Variants in CDK13 observed in about 807,000 individuals in gnomAD.
The protein encoded by CDK13 is cyclin-dependent kinase 13.
CDK13 carries 40 observed loss-of-function variants against 137.6 expected under a neutral mutation model. The ratio of observed to expected loss-of-function variants is 0.29; its 90% CI spans 0.23 to 0.38. CDK13 has a LOEUF of 0.38. CDK13 is among the 10% of genes least tolerant of loss of function. The pLI is 1.00. For missense variants in CDK13, 1,704 were observed against 1,951.8 expected, an observed-to-expected ratio of 0.87 and a Z score of 2.39; for synonymous variants, 869 against 760.1, an observed-to-expected ratio of 1.14 and a Z score of -2.36.
chr7:40,041,025 G>A (rs1358984553), intron 5 of CDK13, among the ~76,000 whole-genome samples: 1 of 152,108 alleles, frequency 6.6e-6, no homozygotes, highest in Non-Finnish European at 1.5e-5. Context: ...AAGAAAGGTT[G>A]AAATTAATAA....
intron 5 of CDK13, among the ~76,000 whole-genome samples, chr7:40,037,293 TG>T (rs1785505478): frequency 6.6e-6 from 1 of 152,142 alleles, no homozygotes. Flanking sequence ...CTCATAAGAT[TG>T]CAGTGAGATG....
chr7:40,068,048 T>C (rs2150529824), intron 9 of CDK13: 1 of 151,350 alleles, frequency 6.6e-6, no homozygotes, highest in Non-Finnish European at 1.5e-5. Flanking sequence ...TGAGCCGAGA[T>C]TGCTCTGCCG....
chr7:39,953,254 C>T (rs1359620792), intron 1 of CDK13, among the ~76,000 whole-genome samples: 2 of 152,154 alleles, frequency 1.3e-5, no homozygotes, highest in African/African-American at 4.8e-5. Context: ...TAGTTGATAC[C>T]TTAGCGAAGA....
chr7:40,032,293 A>T (rs185977463), intron 5 of CDK13, among the ~76,000 whole-genome samples: 1 of 151,664 alleles, frequency 6.6e-6, no homozygotes, highest in Non-Finnish European at 1.5e-5. Flanking sequence ...CTGGTTTCGA[A>T]CTCCTGGGTT....
At chr7:40,048,078 GATC>G in intron 7 of CDK13, 1 of 387,878 alleles carries the variant, frequency 2.6e-6, no homozygotes, top group Non-Finnish European at 4.6e-6. Context: ...TTTAAAAATT[GATC>G]TTCAACAGGT....
chr7:40,003,443 G>A (rs918718605), intron 5 of CDK13, among the ~76,000 whole-genome samples: 1 of 151,990 alleles, frequency 6.6e-6, no homozygotes, highest in Non-Finnish European at 1.5e-5. Context: ...TACTTATTGT[G>A]TGGTTGATGG....
intron 1 of CDK13, among the ~76,000 whole-genome samples, chr7:39,977,774 G>A (rs773422): frequency 0.99 from 151,093 of 152,194 alleles, 75,008 homozygotes; most frequent in East Asian, 1. Flanking sequence ...GAACCTGGTA[G>A]GGAGACTTGC....
At chr7:40,005,827 T>C (rs1784787087) in intron 5 of CDK13, among the ~76,000 whole-genome samples, 2 of 152,186 alleles carry the variant, frequency 1.3e-5, no homozygotes, top group South Asian at 4.1e-4. Context: ...CCTCAGGCAG[T>C]CCTCCTGCCT....
chr7:39,981,327 C>A (rs900228116), intron 1 of CDK13, among the ~76,000 whole-genome samples: 2 of 151,804 alleles, frequency 1.3e-5, no homozygotes, highest in African/African-American at 4.8e-5. Context: ...CTTGTTTGCG[C>A]CACTGCACTC....
chr7:40,001,959 C>A lies in CDK13; in HGVS notation c.2281C>A (p.His761Asn), dbSNP rs777432797. The change falls in exon 5 of 14, where the codon CAT (histidine) becomes AAT (asparagine). Residue 761 changes from histidine to asparagine, a missense_variant. This residue lies in a region of CDK13 where 130 missense variants were observed against 362.4 expected (regional missense o/e 0.36). Transcript: ENST00000181839. ...AATTAAAATTCTCCGGCAGCTTACC[C>A]ATCAGAGTATTATCAATATGAAGGA... ...REIKILRQLTHQSIINMKEIV... is the reference protein window; with the variant it reads ...REIKILRQLTNQSIINMKEIV... 3 of 1,609,926 alleles carry A rather than the reference C, an allele frequency of 1.9e-6. No individual in the cohort carries two copies. The Admixed American group carries it at 5.0e-5, about 27-fold the overall frequency.
chr7:39,971,858 G>C (rs929627326), intron 1 of CDK13, among the ~76,000 whole-genome samples: 18 of 152,112 alleles, frequency 1.2e-4, no homozygotes, highest in African/African-American at 4.1e-4. Context: ...CTGGGCAACA[G>C]AGCAAGACTC....
intron 7 of CDK13, 72 bp from the exon 8 acceptor site, chr7:40,062,751 AAAT>A (rs1243064185): frequency 9.2e-7 from 1 of 1,087,784 alleles, no homozygotes; most frequent in Non-Finnish European, 1.4e-6. Context: ...TGCTTTAGTA[AAAT>A]AATATTTCCT....
chr7:39,976,323 T>TCTCTCACACACACACACACACACACA, intron 1 of CDK13, among the ~76,000 whole-genome samples: 24 of 39,576 alleles, frequency 6.1e-4, no homozygotes, highest in Admixed American at 1.3e-3. Flanking sequence ...TCTCTCTCTC[T>TCTCTCACACACACACACACACACACA]CACACACACA....
intron 1 of CDK13, among the ~76,000 whole-genome samples, chr7:39,959,103 G>A (rs1224274243): frequency 6.6e-6 from 1 of 150,566 alleles, no homozygotes; most frequent in Non-Finnish European, 1.5e-5. Flanking sequence ...CACCATTATC[G>A]TTTCATTCAT....
chr7:40,058,713 T>G (rs1413664499), intron 7 of CDK13, among the ~76,000 whole-genome samples: 1 of 152,078 alleles, frequency 6.6e-6, no homozygotes, highest in Non-Finnish European at 1.5e-5. Flanking sequence ...TGGCAGAAGT[T>G]GTTTGGAAAT....
At chr7:40,080,233 C>G (rs996263794) in intron 11 of CDK13, among the ~76,000 whole-genome samples, 16 of 152,104 alleles carry the variant, frequency 1.1e-4, no homozygotes, top group African/African-American at 3.9e-4. Flanking sequence ...GGTGATCCAC[C>G]CACCTTGGCC....
chr7:40,094,491 T>C lies in CDK13; in HGVS notation c.4050T>C (p.Val1350=). The C allele has an allele frequency of 6.2e-7, 1 of 1,613,628 alleles. No homozygotes were observed. The highest frequency in any genetic ancestry group is 2.2e-5 in the East Asian group (1 of 44,872). The change falls in exon 14 of 14, where the codon GTT becomes GTC. Residue 1350 remains valine (V), a synonymous_variant. Transcript: ENST00000181839. ...CTTCTTTCTCTTCTGCTCCTTATGTTAGCAATGATGGTCTAGGAAGCAGTT... is the reference window on the plus strand; with the variant it reads ...CTTCTTTCTCTTCTGCTCCTTATGTCAGCAATGATGGTCTAGGAAGCAGTT... ...GSSSFSSAPY[V]SNDGLGSSSA...
chr7:40,058,670 A>T (rs1024648764), intron 7 of CDK13, among the ~76,000 whole-genome samples: 1 of 152,118 alleles, frequency 6.6e-6, no homozygotes, highest in Admixed American at 6.5e-5. Context: ...TGGACTAGGT[A>T]TTTGGATTGG....
At chr7:39,960,394 T>A (rs918579743) in intron 1 of CDK13, among the ~76,000 whole-genome samples, 1 of 151,964 alleles carries the variant, frequency 6.6e-6, no homozygotes, top group African/African-American at 2.4e-5. Flanking sequence ...TAGCTGGGAC[T>A]ACAGGCGCCC....
Sources: allele counts gnomAD v4.1 joint callset (sites outside exome capture counted in the v4.1 genomes callset), GRCh38; gene constraint gnomAD v4.1.1; regional missense constraint gnomAD v4.1.1; transcripts MANE v1.5; gene names NCBI Gene and HGNC (gene_info 2026-07-23, HGNC 2026-07-21).